CCDC146: variants seen among roughly 807,000 people sequenced by gnomAD.
CCDC146 encodes coiled-coil domain containing 146, also known as coiled-coil domain-containing protein 146.
Under a neutral mutation model 119.3 loss-of-function variants are expected in CCDC146, and 92 were observed. The observed-to-expected ratio is 0.77, with a 90% confidence interval of 0.65 to 0.92. CCDC146 has a LOEUF of 0.92. Ranked by LOEUF, CCDC146 falls within the 40% of genes least tolerant of loss-of-function variation. CCDC146 has a pLI of 0.00. For missense variants in CCDC146, 1,000 were observed against 1,103.0 expected (o/e 0.91, Z 1.32); for synonymous variants, 372 against 371.8 (o/e 1.00, Z -0.01).
At chr7:77,243,820 T>C (rs1656713119) in intron 4 of CCDC146, among the ~76,000 whole-genome samples, 1 of 152,206 alleles carries the variant, frequency 6.6e-6, no homozygotes, top group South Asian at 2.1e-4. Flanking sequence ...ATGACTTTGA[T>C]GCTGACCCTG....
At chr7:77,183,329 C>T (rs1791617601) in intron 2 of CCDC146, among the ~76,000 whole-genome samples, 1 of 152,004 alleles carries the variant, frequency 6.6e-6, no homozygotes, top group African/African-American at 2.4e-5. Flanking sequence ...CCCATCATCA[C>T]CTCATAGGTG....
Position 77,256,867 on chromosome 7 carries a change from G to A in CCDC146, c.684+358G>A, listed in dbSNP as rs764466881. Among the ~76,000 whole-genome samples the A allele has an allele frequency of 2.6e-5, 4 of 152,180 alleles. No homozygotes were observed. The South Asian group carries it at 8.3e-4, about 31-fold the overall frequency. ...CACCTGTAATCCCAGCACTTTGTGA[G>A]GCCAAGGCGGTGGATCACCTGAGGT... On this transcript the variant is annotated intron_variant, in intron 6 of 18. Coordinates refer to ENST00000285871, the MANE Select transcript of CCDC146 (RefSeq NM_020879.3).
At chr7:77,273,850 T>A in intron 10 of CCDC146, 61 bp downstream of exon 10, 1 of 1,086,668 alleles carries the variant, frequency 9.2e-7, no homozygotes, top group Non-Finnish European at 1.4e-6. Flanking sequence ...GTTGTGCTTT[T>A]AACTGTGCTC....
chr7:77,130,918 G>A (rs1233354947), intron 1 of CCDC146, among the ~76,000 whole-genome samples: 3 of 147,886 alleles, frequency 2.0e-5, no homozygotes, highest in Non-Finnish European at 3.0e-5. Context: ...TTTAAACGGA[G>A]TCTCACTCTG....
intron 2 of CCDC146, among the ~76,000 whole-genome samples, chr7:77,211,603 T>A (rs1403513230): frequency 4.0e-5 from 6 of 151,878 alleles, no homozygotes; most frequent in African/African-American, 1.4e-4. Flanking sequence ...ATTTTATTTT[T>A]TTTATTTTTA....
intron 9 of CCDC146, among the ~76,000 whole-genome samples, chr7:77,270,761 A>G (rs558658687): frequency 6.6e-6 from 1 of 152,338 alleles, no homozygotes; most frequent in South Asian, 2.1e-4. Context: ...TGAAAAGTCT[A>G]GGATCCTTTT....
intron 1 of CCDC146, among the ~76,000 whole-genome samples, chr7:77,154,316 T>G (rs1791148688): frequency 1.3e-5 from 2 of 152,200 alleles, no homozygotes; most frequent in Admixed American, 6.5e-5. Flanking sequence ...AGTTTTTTTT[T>G]TTAATTATAC....
At chr7:77,183,202 A>G (rs2150418001) in intron 2 of CCDC146, among the ~76,000 whole-genome samples, 1 of 151,932 alleles carries the variant, frequency 6.6e-6, no homozygotes, top group Middle Eastern at 3.4e-3. Flanking sequence ...TCCCACCCTC[A>G]GGCTATATAT....
At chr7:77,278,645 A>C (rs1584141462) in intron 11 of CCDC146, 107 bp from the exon 12 acceptor site, 11 of 734,264 alleles carry the variant, frequency 1.5e-5, no homozygotes, top group East Asian at 2.8e-5. Flanking sequence ...AGGTCTCACT[A>C]TGTTGCCTAG....
At chr7:77,155,970 G>A (rs1228037074) in intron 1 of CCDC146, among the ~76,000 whole-genome samples, 2 of 152,008 alleles carry the variant, frequency 1.3e-5, no homozygotes, top group Non-Finnish European at 2.9e-5. Context: ...GAGAGAGTGA[G>A]GATCTTTTCT....
At chr7:77,152,957 C>A (rs1402677372) in intron 1 of CCDC146, among the ~76,000 whole-genome samples, 1 of 152,208 alleles carries the variant, frequency 6.6e-6, no homozygotes, top group Non-Finnish European at 1.5e-5. Flanking sequence ...AATCATCTTG[C>A]AGTTTAGGAA....
rs550054435 is a variant in CCDC146 at position 77,276,441 on chromosome 7, C to G, written c.1440+1789C>G. 5.3e-5 allele frequency among the ~76,000 whole-genome samples: 8 copies of G among 152,252 alleles called. No homozygotes were observed. The East Asian group carries it at 1.5e-3, about 29-fold the overall frequency. The stretch of plus-strand genomic sequence containing the variant: ...ACAACCCACTGCAGGCACTTCACAT[C>G]CCCCTTTCACTGTTTATTTTTCTAC... On this transcript the variant is annotated intron_variant, in intron 11 of 18. Transcript: ENST00000285871.
chr7:77,235,704 G>A (rs1347419085), intron 2 of CCDC146, among the ~76,000 whole-genome samples: 1 of 152,182 alleles, frequency 6.6e-6, no homozygotes, highest in Non-Finnish European at 1.5e-5. Flanking sequence ...GTTTAGTAGT[G>A]GTCCAATTGA....
chr7:77,283,206 T>C (rs1450738965), intron 15 of CCDC146, among the ~76,000 whole-genome samples: 2 of 152,168 alleles, frequency 1.3e-5, no homozygotes, highest in Non-Finnish European at 2.9e-5. Flanking sequence ...TGGAGATTGT[T>C]GCTTATTAGT....
intron 1 of CCDC146, among the ~76,000 whole-genome samples, chr7:77,153,001 G>A (rs984112519): frequency 3.9e-5 from 6 of 152,154 alleles, no homozygotes; most frequent in South Asian, 2.1e-4. Context: ...TTTGCCCAAC[G>A]TCACCCAGGA....
intron 11 of CCDC146, 53 bp downstream of exon 11, chr7:77,274,705 CT>C: frequency 7.0e-7 from 1 of 1,434,614 alleles, no homozygotes; most frequent in Non-Finnish European, 9.6e-7. Context: ...TCAGGGTAGC[CT>C]CATTATAATG....
At chr7:77,270,320 A>G (rs928517482) in intron 9 of CCDC146, among the ~76,000 whole-genome samples, 1 of 143,546 alleles carries the variant, frequency 7.0e-6, no homozygotes, top group South Asian at 2.2e-4. Context: ...TAGGAAGCAG[A>G]TTTTTTTTTT....
intron 1 of CCDC146, among the ~76,000 whole-genome samples, chr7:77,129,013 G>C (rs1790746922): frequency 1.3e-5 from 2 of 152,010 alleles, no homozygotes; most frequent in Non-Finnish European, 2.9e-5. Flanking sequence ...TAAGTAACAG[G>C]GTCAGCCCTA....
At chr7:77,145,999 T>A (rs1164175294) in intron 1 of CCDC146, among the ~76,000 whole-genome samples, 1 of 152,082 alleles carries the variant, frequency 6.6e-6, no homozygotes, top group East Asian at 1.9e-4. Context: ...CATTGATCTG[T>A]CTAATATTGA....
Sources: allele counts gnomAD v4.1 joint callset (sites outside exome capture counted in the v4.1 genomes callset), GRCh38; gene constraint gnomAD v4.1.1; transcripts MANE v1.5; gene names NCBI Gene and HGNC (gene_info 2026-07-23, HGNC 2026-07-21).